The following PTPN11 variants were observed in gnomAD, a reference collection of about 807,000 sequenced individuals.
PTPN11 encodes the protein protein tyrosine phosphatase non-receptor type 11, also known as tyrosine-protein phosphatase non-receptor type 11.
PTPN11 carries 6 observed loss-of-function variants against 78.8 expected under a neutral mutation model. That is an observed-to-expected ratio of 0.08 (90% CI 0.04 to 0.15). The LOEUF (loss-of-function observed/expected upper bound fraction) is 0.15, where lower values mean the gene tolerates loss of function less well. PTPN11 is among the 10% of genes least tolerant of loss of function. The probability of loss-of-function intolerance (pLI) is 1.00; values close to 1 mark genes in which losing one functional copy is unlikely to be tolerated. For missense variants in PTPN11, 386 were observed against 744.8 expected, an observed-to-expected ratio of 0.52 and a Z score of 5.61; for synonymous variants, 221 against 263.5, an observed-to-expected ratio of 0.84 and a Z score of 1.56.
Position 112,506,183 on chromosome 12 carries a change from T to A in PTPN11, c.*391T>A, listed in dbSNP as rs1236250978. The A allele has an allele frequency of 6.6e-6, 1 of 152,226 alleles. No homozygotes were observed. The highest frequency in any genetic ancestry group is 1.5e-5 in the Non-Finnish European group (1 of 68,040). The allele number at this position is 152,226 out of a possible 1,614,324, so 9.4% of individuals were successfully genotyped here. A position where few individuals can be genotyped will look rare whatever the true frequency, so the allele number is the denominator to read the frequency against. Reference sequence around the variant, plus strand: ...TATACCCTTAACCAGTTTAATTTTTTTTTTCCTCATTGTTGGGGATGATGA... The same window carrying A: ...TATACCCTTAACCAGTTTAATTTTTATTTTCCTCATTGTTGGGGATGATGA... On this transcript the variant is annotated 3_prime_UTR_variant, in exon 16 of 16. Transcript: ENST00000351677.
chr12:112,457,182 G>A (rs926472990), intron 6 of PTPN11: 6 of 350,420 alleles, frequency 1.7e-5, no homozygotes, highest in Non-Finnish European at 2.8e-5. Context: ...GGTGAGGCAG[G>A]TGGACCACTT....
chr12:112,449,308 A>C (rs934221938), intron 2 of PTPN11, among the ~76,000 whole-genome samples: 13 of 150,142 alleles, frequency 8.7e-5, no homozygotes, highest in Non-Finnish European at 1.6e-4. Flanking sequence ...GACCAATACC[A>C]TCCTGGCTAA....
intron 10 of PTPN11, among the ~76,000 whole-genome samples, chr12:112,484,353 A>G (rs1292418584): frequency 6.6e-6 from 1 of 152,216 alleles, no homozygotes; most frequent in Non-Finnish European, 1.5e-5. Flanking sequence ...CTCCTAGGGC[A>G]CAAAACAGAA....
intron 1 of PTPN11, among the ~76,000 whole-genome samples, chr12:112,426,273 T>C (rs2037613836): frequency 6.6e-6 from 1 of 152,190 alleles, no homozygotes; most frequent in African/African-American, 2.4e-5. Flanking sequence ...TTTTTTTCTT[T>C]GAGACAGAGT....
rs1332779410 is a variant in PTPN11, at chr12:112,482,641, A to G, written c.1224+436A>G. 1.3e-5 allele frequency among the ~76,000 whole-genome samples: 2 copies of G among 152,218 alleles called. No individual in the cohort carries two copies. Among genetic ancestry groups the G allele is most frequent in the Non-Finnish European group, 2.9e-5 (2 of 68,040 alleles). The stretch of plus-strand genomic sequence containing the variant: ...TTGATGGCCTCCTCTCCAAGTATCC[A>G]CAGACTTCAGCAGTTGTTCTTTTTT... On this transcript the variant is annotated intron_variant, in intron 10 of 15. Transcript: ENST00000351677. This position sits in a 1 kb window ranked among gnomAD's most constrained non-coding sequence, Gnocchi z 4.4.
At chr12:112,457,846 A>G (rs2038187249) in intron 6 of PTPN11, among the ~76,000 whole-genome samples, 1 of 152,218 alleles carries the variant, frequency 6.6e-6, no homozygotes, top group African/African-American at 2.4e-5. Flanking sequence ...AGAAAACTTC[A>G]AAAACAAGGA....
intron 1 of PTPN11, among the ~76,000 whole-genome samples, chr12:112,424,998 GTGTGTGTGTGTA>G (rs1472153298): frequency 8.4e-5 from 12 of 142,898 alleles, no homozygotes; most frequent in South Asian, 7.4e-4. Flanking sequence ...GTGTGTGTGT[GTGTGTGTGTGTA>G]TGTAGAGATG....
At chr12:112,424,190 T>C (rs1453281466) in intron 1 of PTPN11, among the ~76,000 whole-genome samples, 5 of 152,180 alleles carry the variant, frequency 3.3e-5, no homozygotes, top group Non-Finnish European at 5.9e-5. Flanking sequence ...AGGCATTGAG[T>C]ATTCCAGGTT....
In PTPN11 at chr12:112,482,743, C is replaced by CG. The variant is rs2038616625; in HGVS notation, c.1224+544dup. Among the ~76,000 whole-genome samples, 3 of 152,050 alleles carry CG rather than the reference C, an allele frequency of 2.0e-5. No individual in the cohort carries two copies. Among genetic ancestry groups the CG allele is most frequent in the South Asian group, 2.1e-4 (1 of 4,814 alleles). ...GAGAAGCAGTAGATGTGAGAGGTGC[C>CG]GGGGGGTGAAGTCTGCAGGATGTGG... On this transcript the variant is annotated intron_variant, in intron 10 of 15. Coordinates refer to ENST00000351677, the MANE Select transcript of PTPN11 (RefSeq NM_002834.5). The surrounding 1 kb of genome is among the most constrained non-coding windows in gnomAD (Gnocchi z 4.4).
chr12:112,473,806 T>TG (rs1283180046), intron 7 of PTPN11, among the ~76,000 whole-genome samples: 1 of 151,362 alleles, frequency 6.6e-6, no homozygotes, highest in Non-Finnish European at 1.5e-5. Context: ...AGATGTGCCA[T>TG]TGCACTCCAG....
intron 1 of PTPN11, among the ~76,000 whole-genome samples, chr12:112,439,540 C>G (rs1443075674): frequency 1.3e-5 from 2 of 152,048 alleles, no homozygotes; most frequent in Admixed American, 1.3e-4. Context: ...GTGATCTCGG[C>G]TCTCTGTAAC....
At chr12:112,470,482 A>G (rs950395446) in intron 6 of PTPN11, among the ~76,000 whole-genome samples, 5 of 152,250 alleles carry the variant, frequency 3.3e-5, no homozygotes, top group African/African-American at 9.6e-5. Flanking sequence ...AAAGGAACTT[A>G]GAGGCAGGCC....
intron 2 of PTPN11, among the ~76,000 whole-genome samples, chr12:112,448,624 C>G (rs2038029026): frequency 6.6e-6 from 1 of 152,010 alleles, no homozygotes; most frequent in African/African-American, 2.4e-5. Context: ...TAATTTTTTT[C>G]AGTTACCTAA....
chr12:112,479,830 C>T (rs1357754888), intron 9 of PTPN11, among the ~76,000 whole-genome samples: 2 of 152,178 alleles, frequency 1.3e-5, no homozygotes, highest in Admixed American at 6.5e-5. Context: ...GGCCAAATCA[C>T]TCTGCCCCAC....
At position 112,446,257 on chromosome 12, in the gene PTPN11, C is replaced by A. The variant is rs779587904; in HGVS notation, c.15-19C>A. On this transcript the variant is annotated intron_variant, in intron 1 of 15. Transcript: ENST00000351677. ...CAGTGTCTTGTTTTTTTATTACTTA[C>A]TTTGTCTTTCTTTTTAAGATGGTTT... 1.2e-6 allele frequency: 2 copies of A among 1,613,522 alleles called. No homozygotes were observed. Among genetic ancestry groups the A allele is most frequent in the Admixed American group, 3.3e-5 (2 of 59,958 alleles).
chr12:112,507,894 A>T lies in PTPN11; in HGVS notation c.*2102A>T, dbSNP rs889301841. On this transcript the variant is annotated 3_prime_UTR_variant, in exon 16 of 16. Coordinates refer to ENST00000351677, the MANE Select transcript of PTPN11 (RefSeq NM_002834.5). ...AGGTGTGGCCTGAAGGTATTCCCTT[A>T]TTAGGGAAGTGTCACTGCTGTCTTC... The T allele has an allele frequency of 3.3e-5, 5 of 152,588 alleles. No individual in the cohort carries two copies. The highest frequency in any genetic ancestry group is 1.2e-4 in the African/African-American group (5 of 41,444). The allele number at this position is 152,588 out of a possible 1,614,324, so 9.5% of individuals were successfully genotyped here.
Position 112,424,998 on chromosome 12 carries a change from G to A in PTPN11, c.14+5873G>A, listed in dbSNP as rs977584225. Among the ~76,000 whole-genome samples, 41 of 142,986 alleles carry A rather than the reference G, an allele frequency of 2.9e-4. 1 individual carries two copies. The highest frequency in any genetic ancestry group is 9.1e-4 in the African/African-American group (33 of 36,384). 93.8% of individuals were successfully genotyped at this position (142,986 alleles called of 152,430 possible). ...TGTGTGTGTGTGTGTGTGTGTGTGT[G>A]TGTGTGTGTGTATGTAGAGATGGGG... is the stretch of plus-strand genomic sequence containing the variant. On this transcript the variant is annotated intron_variant, in intron 1 of 15. Transcript: ENST00000351677.
chr12:112,488,389 T>G lies in PTPN11; in HGVS notation c.1380-54T>G. 4 of 1,443,866 alleles carry G rather than the reference T, an allele frequency of 2.8e-6. No homozygotes were observed. The South Asian group carries it at 4.6e-5, about 16-fold the overall frequency. 89.4% of individuals were successfully genotyped at this position (1,443,866 alleles called of 1,614,324 possible). A position where few individuals can be genotyped will look rare whatever the true frequency, so the allele number is the denominator to read the frequency against. ...GATATTAATGGCTTGGTTTTGAGTC[T>G]GAAACCCCCATGAATGATTCTGTTG... is the stretch of plus-strand genomic sequence containing the variant. On this transcript the variant is annotated intron_variant, in intron 11 of 15. Transcript: ENST00000351677.
intron 7 of PTPN11, among the ~76,000 whole-genome samples, chr12:112,475,607 A>G (rs985457363): frequency 1.3e-5 from 2 of 152,192 alleles, no homozygotes; most frequent in Admixed American, 6.5e-5. Context: ...CCTGTAGTGC[A>G]TATGTGTATA....
Sources: gnomAD v4.1 joint callset for allele counts (sites outside exome capture counted in the v4.1 genomes callset) on GRCh38, gnomAD v4.1.1 for gene constraint, Gnocchi (gnomAD v3.1) non-coding constraint, MANE v1.5 for transcripts, NCBI Gene and HGNC (gene_info 2026-07-23, HGNC 2026-07-21) for gene names.